Variants in PRDM7 observed in about 807,000 individuals in gnomAD.
The protein encoded by PRDM7 is histone-lysine N-methyltransferase PRDM7.
In PRDM7, 52 loss-of-function variants were observed where a neutral mutation model predicts 64.3. The observed-to-expected ratio is 0.81, with a 90% confidence interval of 0.65 to 1.02. PRDM7 has a LOEUF of 1.02. Among genes scored for constraint, PRDM7 ranks in the 50% least tolerant of loss-of-function variants. PRDM7 has a pLI of 0.00. For missense variants in PRDM7, 574 were observed against 597.1 expected (o/e 0.96, Z 0.40); for synonymous variants, 192 against 210.1 (o/e 0.91, Z 0.74).
intron 4 of PRDM7, among the ~76,000 whole-genome samples, chr16:90,067,858 G>C (rs1013380808): frequency 6.6e-6 from 1 of 151,054 alleles, no homozygotes; most frequent in Non-Finnish European, 1.5e-5. Context: ...CCAAAGTGCT[G>C]GGATTACAGG....
chr16:90,066,824 G>A (rs759966850), intron 5 of PRDM7, 37 bp downstream of exon 5: 19 of 1,515,644 alleles, frequency 1.3e-5, no homozygotes, highest in Admixed American at 6.7e-5. Context: ...GATCTATGAG[G>A]AAGGTTTCTT....
chr16:90,067,409 A>T (rs1421134095), intron 4 of PRDM7, among the ~76,000 whole-genome samples: 2 of 151,154 alleles, frequency 1.3e-5, no homozygotes, highest in Non-Finnish European at 2.9e-5. Context: ...AATTTTCTTA[A>T]GATTTAAAAA....
In PRDM7 at chr16:90,057,873, T is replaced by A; in HGVS notation, c.*416A>T. Reference sequence around the variant, plus strand: ...TTCCTGCAGACTGGGGCGTCTCCCCTGTGTGTCCTCTGGTGAATGAGGAGG... The same window carrying A: ...TTCCTGCAGACTGGGGCGTCTCCCCAGTGTGTCCTCTGGTGAATGAGGAGG... On this transcript the variant is annotated 3_prime_UTR_variant, in exon 11 of 11. Coordinates refer to ENST00000449207, the MANE Select transcript of PRDM7 (RefSeq NM_001098173.2). 1 of 1,514,416 alleles carries A rather than the reference T, an allele frequency of 6.6e-7. No individual in the cohort carries two copies. Among genetic ancestry groups the A allele is most frequent in the Non-Finnish European group, 9.0e-7 (1 of 1,111,118 alleles). 93.8% of individuals were successfully genotyped at this position (1,514,416 alleles called of 1,614,324 possible). A position where few individuals can be genotyped will look rare whatever the true frequency, so the allele number is the denominator to read the frequency against.
At chr16:90,069,019 C>G (rs2037919483) in intron 4 of PRDM7, among the ~76,000 whole-genome samples, 1 of 151,192 alleles carries the variant, frequency 6.6e-6, no homozygotes, top group South Asian at 2.1e-4. Context: ...TCCAAAAAAT[C>G]ATATAGAATC....
chr16:90,067,589 CTTTTT>C (rs1220091658), intron 4 of PRDM7, among the ~76,000 whole-genome samples: 1 of 126,540 alleles, frequency 7.9e-6, no homozygotes, highest in African/African-American at 2.9e-5. Context: ...AAGAAAAGCC[CTTTTT>C]TTTTTTTTTT....
rs766207696 is a variant in PRDM7 at position 90,060,646 on chromosome 16, G to A, written c.951-23C>T. 9 of 1,613,212 alleles carry A rather than the reference G, an allele frequency of 5.6e-6. No homozygotes were observed. The East Asian group carries it at 2.0e-4, about 36-fold the overall frequency. On this transcript the variant is annotated intron_variant, in intron 9 of 10. Transcript: ENST00000449207. ...TACCTGGGGTCAAGGCAGGCAAAGG[G>A]AAAGAAAGAGGCAGTGAGTTCCCTC...
intron 5 of PRDM7, among the ~76,000 whole-genome samples, chr16:90,064,202 CAA>C (rs1188981538): frequency 6.6e-6 from 1 of 152,162 alleles, no homozygotes; most frequent in Non-Finnish European, 1.5e-5. Context: ...CGGAACAGAA[CAA>C]AGAGATGATT....
chr16:90,062,020 C>G lies in PRDM7; in HGVS notation c.783G>C (p.Trp261Cys), dbSNP rs766560166. 72 of 1,614,144 alleles carry G rather than the reference C, an allele frequency of 4.5e-5. 1 individual carries two copies. The highest frequency in any genetic ancestry group is 5.3e-5 in the Non-Finnish European group (62 of 1,180,056). ...CCAGTGGCAGATCAGATGCCTCGTT[C>G]CATACTCCAAGCCCAGCCTGAGGGA... The part of the protein sequence containing the change: ...SGIPQAGLGV[W>C]NEASDLPLGL... Residue 261 changes from tryptophan (W) to cysteine (C), a missense_variant, in exon 8 of 11, where the codon TGG becomes TGC. Coordinates refer to ENST00000449207, the MANE Select transcript of PRDM7 (RefSeq NM_001098173.2).
At position 90,060,570 on chromosome 16, in the gene PRDM7, T is replaced by C. The variant is rs758231587; in HGVS notation, c.1004A>G (p.Tyr335Cys). The C allele has an allele frequency of 3.1e-6, 5 of 1,614,126 alleles. No individual in the cohort carries two copies. Among genetic ancestry groups the C allele is most frequent in the Non-Finnish European group, 4.2e-6 (5 of 1,180,002 alleles). Residue 335 changes from tyrosine to cysteine, a missense_variant, in exon 10 of 11, where the codon TAC becomes TGC. Transcript: ENST00000449207. Reference sequence around the variant, plus strand: ...GGTTCTATAGAAGATCTGCCTGTGGTACTGGAAGGCCACCAGGTTCTGCTC... The same window carrying C: ...GGTTCTATAGAAGATCTGCCTGTGGCACTGGAAGGCCACCAGGTTCTGCTC... ...DEEQNLVAFQYHRQIFYRTCR... is the reference protein window; with the variant it reads ...DEEQNLVAFQCHRQIFYRTCR...
Position 90,060,502 on chromosome 16 carries a change from C to T in PRDM7, c.1072G>A (p.Gly358Arg), listed in dbSNP as rs1343652859. The change falls in exon 10 of 11, where the codon GGG (glycine) becomes AGG (arginine). Residue 358 changes from glycine (G) to arginine (R), a missense_variant. Coordinates refer to ENST00000449207, the MANE Select transcript of PRDM7 (RefSeq NM_001098173.2). ...RPGCELLVWSGDEYGQELGIR... is the reference protein window; with the variant it reads ...RPGCELLVWSRDEYGQELGIR... ...CCCAGTTCCTGGCCATACTCATCCC[C>T]AGACCAGACCAGCAGTTCACAGCCT... is the stretch of plus-strand genomic sequence containing the variant. 4 of 1,613,726 alleles carry T rather than the reference C, an allele frequency of 2.5e-6. No homozygotes were observed. The highest frequency in any genetic ancestry group is 1.7e-5 in the Admixed American group (1 of 59,970).
At position 90,063,482 on chromosome 16, in the gene PRDM7, C is replaced by A. The variant is rs189396057; in HGVS notation, c.508+130G>T. ...AATTTTAACAAAATACTGCATCTAA[C>A]TTCTGGTCTCACAGTTGAGTCCAGC... On this transcript the variant is annotated intron_variant, in intron 6 of 10. Coordinates refer to ENST00000449207, the MANE Select transcript of PRDM7 (RefSeq NM_001098173.2). 2.4e-4 allele frequency: 225 copies of A among 940,762 alleles called. 1 individual carries two copies. The highest frequency in any genetic ancestry group is 6.7e-4 in the Middle Eastern group (2 of 2,972). The allele number at this position is 940,762 out of a possible 1,614,324, so 58.3% of individuals were successfully genotyped here.
At position 90,062,058 on chromosome 16, in the gene PRDM7, C is replaced by T; in HGVS notation, c.745G>A (p.Gly249Arg). 6.2e-7 allele frequency: 1 copy of T among 1,614,246 alleles called. No individual in the cohort carries two copies. The highest frequency in any genetic ancestry group is 8.5e-7 in the Non-Finnish European group (1 of 1,180,044). The change falls in exon 8 of 11, where the codon GGG becomes AGG. Residue 249 changes from glycine (G) to arginine (R), a missense_variant. Physicochemically the swap from Gly to Arg is moderately radical, Grantham distance 125. Coordinates refer to ENST00000449207, the MANE Select transcript of PRDM7 (RefSeq NM_001098173.2). ...CCAGCCTGAGGGATGCCTGATGGCC[C>T]AATTCTCAGCCCCGGGGGCAGACTG... is the stretch of plus-strand genomic sequence containing the variant. ...ALSLPPGLRI[G>R]PSGIPQAGLG... is the part of the protein sequence containing the mutation.
chr16:90,061,789 A>G (rs2037782134), intron 8 of PRDM7, 132 bp downstream of exon 8: 2 of 1,433,742 alleles, frequency 1.4e-6, no homozygotes, highest in Middle Eastern at 1.8e-4. Flanking sequence ...ATGTTCATGC[A>G]AAGACCCTTG....
chr16:90,070,707 T>A (rs1357052838), intron 4 of PRDM7, among the ~76,000 whole-genome samples: 1 of 143,786 alleles, frequency 7.0e-6, no homozygotes, highest in African/African-American at 2.8e-5. Context: ...TGACTACAAG[T>A]CAGGAAGAGA....
At position 90,061,639 on chromosome 16, in the gene PRDM7, A is replaced by C. The variant is rs1480919174; in HGVS notation, c.883-120T>G. On this transcript the variant is annotated intron_variant, in intron 8 of 10. Coordinates refer to ENST00000449207, the MANE Select transcript of PRDM7 (RefSeq NM_001098173.2). ...AGCTTCAACTGCCAACTGAGACCAC[A>C]TGGCATGCACCTTAGTCATCATCTA... is the stretch of plus-strand genomic sequence containing the variant. 4.0e-5 allele frequency: 50 copies of C among 1,246,574 alleles called. No homozygotes were observed. The East Asian group carries it at 1.1e-3, about 28-fold the overall frequency. The allele number at this position is 1,246,574 out of a possible 1,614,324, so 77.2% of individuals were successfully genotyped here. A position where few individuals can be genotyped will look rare whatever the true frequency, so the allele number is the denominator to read the frequency against.
Position 90,075,157 on chromosome 16 carries a change from G to C in PRDM7, c.194-134C>G, listed in dbSNP as rs541378599. ...CTGGGAGAGTCTTGAACAAGGTCAA[G>C]ATGTGACCTCTGCATGGTCAGTATC... On this transcript the variant is annotated intron_variant, in intron 3 of 10. Coordinates refer to ENST00000449207, the MANE Select transcript of PRDM7 (RefSeq NM_001098173.2). The surrounding 1 kb of genome is among the most constrained non-coding windows in gnomAD (Gnocchi z 4.3). 1.5e-6 allele frequency: 2 copies of C among 1,342,066 alleles called. No homozygotes were observed. The highest frequency in any genetic ancestry group is 2.1e-6 in the Non-Finnish European group (2 of 951,610). The allele number at this position is 1,342,066 out of a possible 1,614,324, so 83.1% of individuals were successfully genotyped here.
chr16:90,076,329 C>A (rs2038036044), intron 1 of PRDM7, among the ~76,000 whole-genome samples: 1 of 152,106 alleles, frequency 6.6e-6, no homozygotes, highest in Admixed American at 6.5e-5. Flanking sequence ...TCAAGGAGAC[C>A]TTGAGGCCCC....
chr16:90,073,608 C>T (rs956617894), intron 4 of PRDM7, among the ~76,000 whole-genome samples: 2 of 151,946 alleles, frequency 1.3e-5, no homozygotes, highest in Admixed American at 1.3e-4. Context: ...ACCGTGTTAG[C>T]CAGGATGGTC....
Position 90,057,918 on chromosome 16 carries a change from C to G in PRDM7, c.*371G>C. On this transcript the variant is annotated 3_prime_UTR_variant, in exon 11 of 11. Coordinates refer to ENST00000449207, the MANE Select transcript of PRDM7 (RefSeq NM_001098173.2). ...AGGAGGACTGACTTCCGGCTAAAGC[C>G]CCGCTCACACTCTCTGCAGACATAA... 6.3e-7 allele frequency: 1 copy of G among 1,575,188 alleles called. No individual in the cohort carries two copies. The highest frequency in any genetic ancestry group is 1.7e-4 in the Middle Eastern group (1 of 5,876).
Sources: allele counts gnomAD v4.1 joint callset (sites outside exome capture counted in the v4.1 genomes callset), GRCh38; gene constraint gnomAD v4.1.1; non-coding constraint Gnocchi (gnomAD v3.1); transcripts MANE v1.5; gene names NCBI Gene and HGNC (gene_info 2026-07-23, HGNC 2026-07-21).